Variants in TAMM41 observed in about 807,000 individuals in gnomAD.
TAMM41 encodes TAM41 mitochondrial translocator assembly and maintenance homolog.
A neutral mutation model predicts 44.1 loss-of-function variants in TAMM41; 36 were observed. The ratio of observed to expected loss-of-function variants is 0.82; its 90% CI spans 0.63 to 1.08. The LOEUF is 1.08. TAMM41 is among the 50% of genes least tolerant of loss of function. TAMM41 has a pLI of 0.00. For synonymous variants in TAMM41, 164 were observed against 153.1 expected (o/e 1.07, Z -0.53); for missense variants, 417 against 404.3 (o/e 1.03, Z -0.27).
downstream of TAMM41, among the ~76,000 whole-genome samples, chr3:11,787,651 C>T (rs1323486337): frequency 2.0e-5 from 3 of 152,150 alleles, no homozygotes; most frequent in African/African-American, 4.8e-5. Context: ...TCATGATGTG[C>T]CAAGAACCAC....
At chr3:11,774,794 T>C in the TAMM41 span, among the ~76,000 whole-genome samples, 1 of 152,206 alleles carries the variant, frequency 6.6e-6, no homozygotes, top group South Asian at 2.1e-4. Context: ...TGGGTCTTGC[T>C]GATAGTGTCC....
At chr3:11,784,712 AC>A in the TAMM41 span, among the ~76,000 whole-genome samples, 1 of 152,110 alleles carries the variant, frequency 6.6e-6, no homozygotes, top group Non-Finnish European at 1.5e-5. Context: ...AGAGGCATTA[AC>A]ATCACCCACA....
the TAMM41 span, among the ~76,000 whole-genome samples, chr3:11,759,556 A>G: frequency 7.0e-6 from 1 of 142,928 alleles, no homozygotes; most frequent in Non-Finnish European, 1.5e-5. Context: ...TGTATGGATG[A>G]ATGGGAATGC....
At chr3:11,822,325 A>G (rs1417942970) in intron 4 of TAMM41, among the ~76,000 whole-genome samples, 2 of 152,236 alleles carry the variant, frequency 1.3e-5, no homozygotes, top group African/African-American at 4.8e-5. Context: ...CATACCATGT[A>G]ATTCATCCAT....
the TAMM41 span, among the ~76,000 whole-genome samples, chr3:11,723,109 CTGAG>C: frequency 6.9e-6 from 1 of 145,796 alleles, no homozygotes; most frequent in Non-Finnish European, 1.5e-5. Context: ...GGCGACAGAG[CTGAG>C]TCTCAAAAAT....
intron 7 of TAMM41, among the ~76,000 whole-genome samples, chr3:11,804,573 A>C (rs1303071208): frequency 6.6e-6 from 1 of 152,260 alleles, no homozygotes; most frequent in African/African-American, 2.4e-5. Context: ...AATTCCTTAT[A>C]GCATGGGACG....
At chr3:11,765,308 C>A in the TAMM41 span, among the ~76,000 whole-genome samples, 97 of 152,172 alleles carry the variant, frequency 6.4e-4, no homozygotes, top group Non-Finnish European at 1.2e-3. Context: ...TCATCACAAT[C>A]GCCACCACTA....
In TAMM41 at chr3:11,809,677, A is replaced by T; in HGVS notation, c.714T>A (p.Asp238Glu). 1 of 1,610,194 alleles carries T rather than the reference A, an allele frequency of 6.2e-7. No individual in the cohort carries two copies. Among genetic ancestry groups the T allele is most frequent in the Non-Finnish European group, 8.5e-7 (1 of 1,179,334 alleles). ...GAGTGAACTGTCCTTCTGGGCTTTT[A>T]TCTATCTGAAGGGAGGAAAAAAAAG... ...YKSQQGWLEI[D>E]KSPEGQFTQL... is the part of the protein sequence containing the mutation. Residue 238 changes from aspartate to glutamate, a missense_variant, in exon 6 of 8, where the codon GAT becomes GAA. Transcript: ENST00000455809.
At chr3:11,743,727 G>A in the TAMM41 span, among the ~76,000 whole-genome samples, 2 of 151,982 alleles carry the variant, frequency 1.3e-5, no homozygotes, top group South Asian at 2.1e-4. Context: ...TCCCTCTGTC[G>A]CCTCACTTCT....
intron 3 of TAMM41, among the ~76,000 whole-genome samples, chr3:11,831,945 G>C (rs1218798686): frequency 6.6e-6 from 1 of 152,104 alleles, no homozygotes; most frequent in Admixed American, 6.5e-5. Flanking sequence ...GGTGAGTTTA[G>C]TATTACTGCA....
chr3:11,751,595 T>C, the TAMM41 span, among the ~76,000 whole-genome samples: 1,728 of 152,224 alleles, frequency 0.011, 36 homozygotes, highest in African/African-American at 0.04. Context: ...CAGGGCACTG[T>C]TGGCAGAAGA....
the TAMM41 span, among the ~76,000 whole-genome samples, chr3:11,737,970 C>T: frequency 0.041 from 6,311 of 152,222 alleles, 407 homozygotes; most frequent in African/African-American, 0.14. Context: ...CCACACGTTA[C>T]TCACAAATGA....
the TAMM41 span, among the ~76,000 whole-genome samples, chr3:11,770,014 T>A: frequency 6.6e-6 from 1 of 152,170 alleles, no homozygotes; most frequent in Non-Finnish European, 1.5e-5. Flanking sequence ...AGGTAGAAAG[T>A]CTTGGAAAAG....
chr3:11,840,119 CCT>C (rs1398800746), intron 2 of TAMM41, among the ~76,000 whole-genome samples: 3 of 152,124 alleles, frequency 2.0e-5, no homozygotes, highest in African/African-American at 4.8e-5. Flanking sequence ...TCCCTAGTCC[CCT>C]GTTCACCAAA....
the TAMM41 span, among the ~76,000 whole-genome samples, chr3:11,733,739 T>A: frequency 1.3e-5 from 2 of 151,756 alleles, no homozygotes; most frequent in African/African-American, 4.8e-5. Flanking sequence ...TCGTGATGCA[T>A]CCGCCTCGGC....
chr3:11,746,376 A>G, the TAMM41 span, among the ~76,000 whole-genome samples: 3 of 152,044 alleles, frequency 2.0e-5, no homozygotes, highest in East Asian at 3.9e-4. Context: ...CTGTTTACCC[A>G]AGAGAAATGT....
the TAMM41 span, chr3:11,724,732 A>G: frequency 0.27 from 41,029 of 151,940 alleles, 5,711 homozygotes; most frequent in Middle Eastern, 0.37. Flanking sequence ...CACCGCACCC[A>G]GCCCTGTTTC....
the TAMM41 span, among the ~76,000 whole-genome samples, chr3:11,741,549 TC>T: frequency 1.3e-5 from 2 of 150,068 alleles, no homozygotes; most frequent in Admixed American, 1.3e-4. Flanking sequence ...CTTCATGTCT[TC>T]CACCCACTAA....
chr3:11,732,981 T>C, the TAMM41 span, among the ~76,000 whole-genome samples: 3 of 148,590 alleles, frequency 2.0e-5, no homozygotes, highest in Non-Finnish European at 4.4e-5. Context: ...TAGGGTAATA[T>C]GATTTGAGTT....
Sources: allele counts gnomAD v4.1 joint callset (sites outside exome capture counted in the v4.1 genomes callset), GRCh38; gene constraint gnomAD v4.1.1; transcripts MANE v1.5; gene names NCBI Gene and HGNC (gene_info 2026-07-23, HGNC 2026-07-21).